Variants in DEK observed in about 807,000 individuals in gnomAD.
The protein encoded by DEK is DEK proto-oncogene.
In DEK, 28 loss-of-function variants were observed where a neutral mutation model predicts 46.8. That is an observed-to-expected ratio of 0.60 (90% CI 0.44 to 0.82). The LOEUF is 0.82. Among genes scored for constraint, DEK ranks in the 40% least tolerant of loss-of-function variants. The pLI, the probability that DEK is intolerant of heterozygous loss-of-function variation, is 0.00. For synonymous variants in DEK, 160 were observed against 144.5 expected (o/e 1.11, Z -0.77); for missense variants, 416 against 430.6 (o/e 0.97, Z 0.30).
At position 18,226,186 on chromosome 6, in the gene DEK, T is replaced by C. The variant is rs752924789; in HGVS notation, c.1104A>G (p.Thr368=). 2.6e-5 allele frequency: 34 copies of C among 1,331,868 alleles called. No individual in the cohort carries two copies. The highest frequency in any genetic ancestry group is 3.4e-5 in the Non-Finnish European group (34 of 998,892). 82.5% of individuals were successfully genotyped at this position (1,331,868 alleles called of 1,614,324 possible). Residue 368 remains threonine (T), a synonymous_variant, in exon 10 of 11, where the codon ACA becomes ACG. Coordinates refer to ENST00000652689, the MANE Select transcript of DEK (RefSeq NM_003472.4). ...CTGAAATATTTACCTCTTTTACAGTTGTTTTTATGAAATCTTTTCTTTCAG... is the reference window on the plus strand; with the variant it reads ...CTGAAATATTTACCTCTTTTACAGTCGTTTTTATGAAATCTTTTCTTTCAG... The part of the protein sequence containing the change: ...DLTERKDFIK[T]TVKELIS
At chr6:18,245,626 T>C (rs1210399927) in intron 7 of DEK, among the ~76,000 whole-genome samples, 1 of 152,258 alleles carries the variant, frequency 6.6e-6, no homozygotes, top group African/African-American at 2.4e-5. Flanking sequence ...TCTAAAAGAC[T>C]GTTAGAATTG....
In DEK at chr6:18,237,346, T is replaced by C. The variant is rs1790698813; in HGVS notation, c.898+35A>G. 4.4e-6 allele frequency: 7 copies of C among 1,574,966 alleles called. No homozygotes were observed. In the East Asian group the frequency reaches 1.6e-4, roughly 35 times the overall value. Reference sequence around the variant, plus strand: ...ACAACATATTAATATATGCTATATCTTTAAAGTTGCTGATTAATGTTATTT... The same window carrying C: ...ACAACATATTAATATATGCTATATCCTTAAAGTTGCTGATTAATGTTATTT... On this transcript the variant is annotated intron_variant, in intron 8 of 10. Coordinates refer to ENST00000652689, the MANE Select transcript of DEK (RefSeq NM_003472.4).
chr6:18,233,277 G>C (rs1280946274), intron 9 of DEK, among the ~76,000 whole-genome samples: 1 of 152,216 alleles, frequency 6.6e-6, no homozygotes, highest in Admixed American at 6.5e-5. Context: ...ATACCATTCA[G>C]GACATAGGCA....
At chr6:18,239,641 A>C (rs957660309) in intron 7 of DEK, among the ~76,000 whole-genome samples, 19 of 152,198 alleles carry the variant, frequency 1.2e-4, no homozygotes, top group African/African-American at 4.3e-4. Context: ...CATGCTTCTA[A>C]AAGTAAGTAC....
chr6:18,261,669 C>T (rs546829116), intron 2 of DEK, among the ~76,000 whole-genome samples: 1 of 152,324 alleles, frequency 6.6e-6, no homozygotes, highest in Non-Finnish European at 1.5e-5. Flanking sequence ...TGGCCTTTCT[C>T]CCTTTTGGAA....
chr6:18,235,662 T>G (rs1790613052), intron 9 of DEK, among the ~76,000 whole-genome samples: 1 of 152,184 alleles, frequency 6.6e-6, no homozygotes, highest in Non-Finnish European at 1.5e-5. Context: ...AAAAAAAATT[T>G]TTTTTTGGTA....
intron 2 of DEK, among the ~76,000 whole-genome samples, chr6:18,261,918 A>T (rs1399550400): frequency 6.6e-6 from 1 of 152,156 alleles, no homozygotes; most frequent in Non-Finnish European, 1.5e-5. Context: ...GGGTGCAATG[A>T]TATGCTTTGG....
At chr6:18,229,686 TA>T (rs1790318963) in intron 9 of DEK, among the ~76,000 whole-genome samples, 1 of 150,664 alleles carries the variant, frequency 6.6e-6, no homozygotes, top group Non-Finnish European at 1.5e-5. Context: ...GAAAAAAGAG[TA>T]AAAAGAAACA....
chr6:18,252,237 T>C (rs1419903159), intron 6 of DEK, among the ~76,000 whole-genome samples: 2 of 152,068 alleles, frequency 1.3e-5, no homozygotes, highest in Non-Finnish European at 2.9e-5. Context: ...AGGCCAGACA[T>C]AGTGGCTCAT....
rs1791700031 is a variant in DEK, at chr6:18,258,489, C to A, written c.146-84G>T. 8.2e-6 allele frequency: 8 copies of A among 976,054 alleles called. No homozygotes were observed. In the South Asian group the frequency reaches 1.1e-4, roughly 13 times the overall value. The allele number at this position is 976,054 out of a possible 1,614,324, so 60.5% of individuals were successfully genotyped here. On this transcript the variant is annotated intron_variant, in intron 2 of 10. Transcript: ENST00000652689. The stretch of plus-strand genomic sequence containing the variant: ...ATTAGATACACATGTAGAACAAAGT[C>A]CCCAAAACCTAATACTTTATTCTTC...
At chr6:18,234,081 G>A (rs369714828) in intron 9 of DEK, among the ~76,000 whole-genome samples, 4 of 150,998 alleles carry the variant, frequency 2.6e-5, no homozygotes, top group Admixed American at 6.7e-5. Flanking sequence ...GCAAACTATC[G>A]CAAGGACAGA....
At chr6:18,255,339 G>T (rs545258867) in intron 6 of DEK, among the ~76,000 whole-genome samples, 1 of 152,254 alleles carries the variant, frequency 6.6e-6, no homozygotes, top group Non-Finnish European at 1.5e-5. Context: ...AAAACATCCA[G>T]TTCTAATATA....
chr6:18,238,892 T>C (rs1357801777), intron 7 of DEK, among the ~76,000 whole-genome samples: 1 of 152,162 alleles, frequency 6.6e-6, no homozygotes, highest in East Asian at 1.9e-4. Flanking sequence ...TTTAACACTC[T>C]TGATTCCTGA....
chr6:18,233,770 T>C (rs1013427790), intron 9 of DEK, among the ~76,000 whole-genome samples: 18 of 151,970 alleles, frequency 1.2e-4, no homozygotes, highest in African/African-American at 4.1e-4. Context: ...AGTTCAACCA[T>C]TGTGGAAGAC....
At chr6:18,232,537 T>G (rs1790455576) in intron 9 of DEK, among the ~76,000 whole-genome samples, 1 of 152,168 alleles carries the variant, frequency 6.6e-6, no homozygotes, top group African/African-American at 2.4e-5. Flanking sequence ...AAAATCAATG[T>G]GCAAAAATCA....
intron 6 of DEK, 96 bp downstream of exon 6, chr6:18,255,635 G>A (rs1003624542): frequency 2.2e-6 from 3 of 1,393,056 alleles, no homozygotes; most frequent in Non-Finnish European, 2.9e-6. Context: ...AGATATGAAC[G>A]AATACTGACA....
In DEK at chr6:18,258,344, T is replaced by C; in HGVS notation, c.207A>G (p.Gln69=). 1 of 1,613,620 alleles carries C rather than the reference T, an allele frequency of 6.2e-7. No individual in the cohort carries two copies. The highest frequency in any genetic ancestry group is 8.5e-7 in the Non-Finnish European group (1 of 1,179,806). ...EKKKVERLTM[Q]VSSLQREPFT... Reference sequence around the variant, plus strand: ...ATGGCTCTCTCTGTAAGGAAGAGACTTGCATTGTCAACCTCTCTACTTTTT... The same window carrying C: ...ATGGCTCTCTCTGTAAGGAAGAGACCTGCATTGTCAACCTCTCTACTTTTT... The change falls in exon 3 of 11, where the codon CAA becomes CAG. Residue 69 remains glutamine, a synonymous_variant. Coordinates refer to ENST00000652689, the MANE Select transcript of DEK (RefSeq NM_003472.4).
At chr6:18,248,301 C>T (rs541618340) in intron 7 of DEK, among the ~76,000 whole-genome samples, 1 of 152,216 alleles carries the variant, frequency 6.6e-6, no homozygotes, top group African/African-American at 2.4e-5. Flanking sequence ...AAAAATTAGA[C>T]ATTTATATTC....
intron 6 of DEK, among the ~76,000 whole-genome samples, chr6:18,252,228 G>A (rs1791407295): frequency 1.3e-5 from 2 of 152,060 alleles, no homozygotes; most frequent in African/African-American, 4.8e-5. Flanking sequence ...AATAGCTCTA[G>A]GCCAGACATA....
Sources: allele counts gnomAD v4.1 joint callset (sites outside exome capture counted in the v4.1 genomes callset), GRCh38; gene constraint gnomAD v4.1.1; transcripts MANE v1.5; gene names NCBI Gene and HGNC (gene_info 2026-07-23, HGNC 2026-07-21).